The following PCDHA9 variants were observed in gnomAD, a reference collection of about 807,000 sequenced individuals.
PCDHA9 encodes protocadherin alpha 9.
A neutral mutation model predicts 62.0 loss-of-function variants in PCDHA9; 62 were observed. The ratio of observed to expected loss-of-function variants is 1.00; its 90% CI spans 0.81 to 1.23. The LOEUF (loss-of-function observed/expected upper bound fraction) is 1.23, where lower values mean the gene tolerates loss of function less well. PCDHA9 is among the 50% of genes most tolerant of loss of function. The pLI is 0.00. For missense variants in PCDHA9, 1,205 were observed against 1,249.8 expected, an observed-to-expected ratio of 0.96 and a Z score of 0.54; for synonymous variants, 557 against 567.6, an observed-to-expected ratio of 0.98 and a Z score of 0.27.
At chr5:140,912,767 G>A (rs1388605585) in intron 1 of PCDHA9, among the ~76,000 whole-genome samples, 2 of 152,064 alleles carry the variant, frequency 1.3e-5, no homozygotes, top group African/African-American at 4.8e-5. Context: ...TTATTACTTT[G>A]AGGTATGTCC....
intron 1 of PCDHA9, among the ~76,000 whole-genome samples, chr5:140,890,243 A>G (rs782339518): frequency 6.6e-6 from 1 of 152,130 alleles, no homozygotes; most frequent in Non-Finnish European, 1.5e-5. Context: ...ATTTACCAGT[A>G]CACTACTGCA....
In PCDHA9 at chr5:140,927,151, T is replaced by C. The variant is rs781865588; in HGVS notation, c.2395-51798T>C. ...AGAGCCGGCGGACCGCGAACAGCTGTGCAGGGCCAAAGCTGCCTGCGTCTT... is the reference window on the plus strand; with the variant it reads ...AGAGCCGGCGGACCGCGAACAGCTGCGCAGGGCCAAAGCTGCCTGCGTCTT... On this transcript the variant is annotated intron_variant, in intron 1 of 3. Coordinates refer to ENST00000532602, the MANE Select transcript of PCDHA9 (RefSeq NM_031857.2). 15 of 1,614,128 alleles carry C rather than the reference T, an allele frequency of 9.3e-6. No homozygotes were observed. In the East Asian group the frequency reaches 3.3e-4, roughly 36 times the overall value.
At chr5:140,893,763 TG>T (rs1554185760) in intron 1 of PCDHA9, among the ~76,000 whole-genome samples, 1 of 152,156 alleles carries the variant, frequency 6.6e-6, no homozygotes, top group African/African-American at 2.4e-5. Flanking sequence ...ATAGGTGACT[TG>T]TCACTTTTCT....
At chr5:140,975,491 C>T (rs2153807371) in intron 1 of PCDHA9, among the ~76,000 whole-genome samples, 1 of 152,274 alleles carries the variant, frequency 6.6e-6, no homozygotes, top group Middle Eastern at 3.4e-3. Flanking sequence ...TATCAATGTT[C>T]ATAAAATAGC....
intron 1 of PCDHA9, among the ~76,000 whole-genome samples, chr5:140,960,872 AAT>A (rs2095576865): frequency 6.6e-6 from 1 of 152,232 alleles, no homozygotes; most frequent in Admixed American, 6.5e-5. Flanking sequence ...AATTAGCTGA[AAT>A]ACACACTAAT....
At chr5:140,856,621 A>T in intron 1 of PCDHA9, 1 of 1,597,974 alleles carries the variant, frequency 6.3e-7, no homozygotes, top group Non-Finnish European at 8.6e-7. Context: ...ACAAATTCCC[A>T]GTGCTTGTTC....
chr5:140,926,798 C>G, intron 1 of PCDHA9: 2 of 1,455,342 alleles, frequency 1.4e-6, no homozygotes, highest in Non-Finnish European at 1.8e-6. Flanking sequence ...GGAGCGTGCT[C>G]TTCCCCGCGG....
intron 1 of PCDHA9, among the ~76,000 whole-genome samples, chr5:140,961,312 A>G (rs2095603612): frequency 6.6e-6 from 1 of 152,156 alleles, no homozygotes; most frequent in Non-Finnish European, 1.5e-5. Context: ...ATGATTTACC[A>G]GGCTCTGTTT....
At chr5:140,930,675 A>G (rs1326713897) in intron 1 of PCDHA9, among the ~76,000 whole-genome samples, 2 of 152,234 alleles carry the variant, frequency 1.3e-5, no homozygotes, top group Non-Finnish European at 2.9e-5. Flanking sequence ...TATTCTAGGC[A>G]ATAAGGGGAA....
At chr5:140,876,082 C>A in intron 1 of PCDHA9, 1 of 1,613,932 alleles carries the variant, frequency 6.2e-7, no homozygotes, top group Non-Finnish European at 8.5e-7. Context: ...GGACAGAGAG[C>A]AAACGCCAAA....
chr5:140,882,897 T>A, intron 1 of PCDHA9: 1 of 1,614,220 alleles, frequency 6.2e-7, no homozygotes, highest in South Asian at 1.1e-5. Context: ...GAACATAGTT[T>A]ATTACTGACA....
intron 1 of PCDHA9, chr5:140,869,243 G>T (rs1554162716): frequency 1.9e-6 from 3 of 1,613,544 alleles, no homozygotes; most frequent in Non-Finnish European, 2.5e-6. Context: ...TTCGTGGGCC[G>T]CATCGCGCAG....
rs1446596900 is a variant in PCDHA9 at position 140,900,305 on chromosome 5, C to T, written c.2394+49416C>T. On this transcript the variant is annotated intron_variant, in intron 1 of 3. Transcript: ENST00000532602. ...TTTCTTTTCTGTTTTTTTAGACAGTCTCACTTTTGTCGCCCAGGCTGGAGT... is the reference window on the plus strand; with the variant it reads ...TTTCTTTTCTGTTTTTTTAGACAGTTTCACTTTTGTCGCCCAGGCTGGAGT... Among the ~76,000 whole-genome samples the T allele has an allele frequency of 1.3e-4, 20 of 151,754 alleles. No homozygotes were observed. In the East Asian group the frequency reaches 3.9e-3, roughly 30 times the overall value.
At chr5:140,892,439 T>G (rs2063514217) in intron 1 of PCDHA9, among the ~76,000 whole-genome samples, 1 of 152,206 alleles carries the variant, frequency 6.6e-6, no homozygotes, top group Non-Finnish European at 1.5e-5. Context: ...TTATCTAAAA[T>G]TTACATGTAT....
intron 1 of PCDHA9, chr5:140,884,110 G>A: frequency 6.2e-7 from 1 of 1,613,438 alleles, no homozygotes; most frequent in Non-Finnish European, 8.5e-7. Flanking sequence ...TGCAGCTGGC[G>A]GCGGTCGGCG....
chr5:140,966,017 G>A (rs946123044), intron 1 of PCDHA9, among the ~76,000 whole-genome samples: 1 of 152,144 alleles, frequency 6.6e-6, no homozygotes, highest in Non-Finnish European at 1.5e-5. Flanking sequence ...GGGAAGATGT[G>A]GGAGTCAGGT....
At chr5:140,884,063 G>T in intron 1 of PCDHA9, 1 of 1,613,496 alleles carries the variant, frequency 6.2e-7, no homozygotes, top group Non-Finnish European at 8.5e-7. Context: ...CGCGGTGGAC[G>T]CCGATTCGGG....
chr5:140,958,116 T>G (rs2095410051), intron 1 of PCDHA9, among the ~76,000 whole-genome samples: 1 of 152,060 alleles, frequency 6.6e-6, no homozygotes, highest in African/African-American at 2.4e-5. Context: ...TGGTTCCATT[T>G]TGTAAAATGT....
At chr5:140,956,665 G>A (rs1336658976) in intron 1 of PCDHA9, among the ~76,000 whole-genome samples, 3 of 152,004 alleles carry the variant, frequency 2.0e-5, no homozygotes, top group African/African-American at 7.2e-5. Context: ...TGGCCTTAAA[G>A]GAGTTAGGGA....
Sources: gnomAD v4.1 joint callset for allele counts (sites outside exome capture counted in the v4.1 genomes callset) on GRCh38, gnomAD v4.1.1 for gene constraint, MANE v1.5 for transcripts, NCBI Gene and HGNC (gene_info 2026-07-23, HGNC 2026-07-21) for gene names.